The following FOXP1 variants were observed in gnomAD, a reference collection of about 807,000 sequenced individuals.
FOXP1 encodes forkhead box P1, also known as forkhead box protein P1.
Under a neutral mutation model 98.2 loss-of-function variants are expected in FOXP1, and 15 were observed. That is an observed-to-expected ratio of 0.15 (90% CI 0.10 to 0.24). The LOEUF (loss-of-function observed/expected upper bound fraction) is 0.24. Among genes scored for constraint, FOXP1 ranks in the 10% least tolerant of loss-of-function variants. The probability of loss-of-function intolerance (pLI) is 1.00; values close to 1 mark genes in which losing one functional copy is unlikely to be tolerated. For missense variants in FOXP1, 633 were observed against 848.5 expected, an observed-to-expected ratio of 0.75 and a Z score of 3.15; for synonymous variants, 371 against 314.5, an observed-to-expected ratio of 1.18 and a Z score of -1.90.
intron 2 of FOXP1, among the ~76,000 whole-genome samples, chr3:71,565,103 A>G (rs1009137449): frequency 3.9e-5 from 6 of 152,200 alleles, no homozygotes; most frequent in Non-Finnish European, 7.3e-5. Context: ...TGTCTCAAAG[A>G]AAAAAGAAAA....
intron 3 of FOXP1, among the ~76,000 whole-genome samples, chr3:71,436,155 T>C (rs1442010462): frequency 6.6e-6 from 1 of 151,950 alleles, no homozygotes; most frequent in African/African-American, 2.4e-5. Context: ...TTTCCCAAAC[T>C]GTTCCTGGTA....
intron 6 of FOXP1, among the ~76,000 whole-genome samples, chr3:71,180,548 C>G (rs2062229833): frequency 6.6e-6 from 1 of 152,118 alleles, no homozygotes; most frequent in Admixed American, 6.5e-5. Flanking sequence ...TTCCTCTCCC[C>G]AAAGGATACT....
At chr3:71,162,315 T>C (rs997792761) in intron 6 of FOXP1, among the ~76,000 whole-genome samples, 2 of 152,198 alleles carry the variant, frequency 1.3e-5, no homozygotes, top group Non-Finnish European at 2.9e-5. Flanking sequence ...CTGGCCAAAA[T>C]ACTAGGACAA....
chr3:71,569,144 T>A (rs1010813646), intron 2 of FOXP1, among the ~76,000 whole-genome samples: 4 of 152,198 alleles, frequency 2.6e-5, no homozygotes, highest in Non-Finnish European at 5.9e-5. Context: ...CAAAATGTGT[T>A]AAGTATGACT....
chr3:71,554,485 CAACAGAATGAA>C (rs1200562770), intron 2 of FOXP1, among the ~76,000 whole-genome samples: 4 of 152,140 alleles, frequency 2.6e-5, no homozygotes, highest in Non-Finnish European at 5.9e-5. Flanking sequence ...GCTTTACCTT[CAACAGAATGAA>C]ATTCTGTTGA....
intron 14 of FOXP1, among the ~76,000 whole-genome samples, chr3:70,978,340 T>C (rs996504477): frequency 6.7e-6 from 1 of 150,228 alleles, no homozygotes; most frequent in African/African-American, 2.5e-5. Flanking sequence ...TTGTGATGTC[T>C]CACCTATAGG....
intron 4 of FOXP1, among the ~76,000 whole-genome samples, chr3:71,348,117 G>C (rs192073387): frequency 1.3e-5 from 2 of 151,844 alleles, no homozygotes; most frequent in Non-Finnish European, 2.9e-5. Context: ...TGTGAATGTG[G>C]TCTCTCTCTC....
intron 2 of FOXP1, among the ~76,000 whole-genome samples, chr3:71,553,906 A>G (rs546165078): frequency 6.6e-6 from 1 of 152,226 alleles, no homozygotes; most frequent in African/African-American, 2.4e-5. Context: ...AGTTAGCTAC[A>G]GTTTCTATTC....
At chr3:71,270,458 A>T (rs1208557024) in intron 5 of FOXP1, among the ~76,000 whole-genome samples, 1 of 152,238 alleles carries the variant, frequency 6.6e-6, no homozygotes, top group African/African-American at 2.4e-5. Context: ...ATGGAGGAGG[A>T]GAGTAATTAT....
chr3:70,995,116 T>C lies in FOXP1; in HGVS notation c.1062+5856A>G, dbSNP rs536395682. On this transcript the variant is annotated intron_variant, in intron 13 of 20. Coordinates refer to ENST00000649528, the MANE Select transcript of FOXP1 (RefSeq NM_001349338.3). Reference sequence around the variant, plus strand: ...ATCCAACCACCACTGCAACTTTTTGTGACATCTCTTCTTTAGCTTAGAGGC... The same window carrying C: ...ATCCAACCACCACTGCAACTTTTTGCGACATCTCTTCTTTAGCTTAGAGGC... 3.3e-5 allele frequency among the ~76,000 whole-genome samples: 5 copies of C among 152,286 alleles called. No individual in the cohort carries two copies. The South Asian group carries it at 1.0e-3, about 32-fold the overall frequency.
intron 7 of FOXP1, chr3:71,065,851 C>G (rs2052419793): frequency 6.6e-6 from 1 of 151,896 alleles, no homozygotes; most frequent in Non-Finnish European, 1.5e-5. Flanking sequence ...TTTAAAAAGT[C>G]AACAATGTGC....
chr3:71,233,800 G>C (rs2066544270), intron 5 of FOXP1, among the ~76,000 whole-genome samples: 1 of 152,134 alleles, frequency 6.6e-6, no homozygotes, highest in Non-Finnish European at 1.5e-5. Context: ...AAGGAAGGCA[G>C]CTAAGAAAAC....
At chr3:71,293,676 T>A (rs2072996235) in intron 5 of FOXP1, among the ~76,000 whole-genome samples, 1 of 152,176 alleles carries the variant, frequency 6.6e-6, no homozygotes, top group Admixed American at 6.5e-5. Context: ...AAATCAATAT[T>A]TAAGAAATTT....
At chr3:71,582,220 G>A (rs1228621198) in intron 1 of FOXP1, 3 of 985,178 alleles carry the variant, frequency 3.0e-6, no homozygotes, top group African/African-American at 1.7e-5. Flanking sequence ...CAGGTGGGGA[G>A]GGGGGCTCGT....
intron 3 of FOXP1, among the ~76,000 whole-genome samples, chr3:71,426,120 C>T (rs1160169465): frequency 2.0e-5 from 3 of 152,200 alleles, no homozygotes; most frequent in Non-Finnish European, 2.9e-5. Flanking sequence ...GGTGATACCT[C>T]TTGACCTAAG....
intron 12 of FOXP1, among the ~76,000 whole-genome samples, chr3:71,004,930 G>C (rs1344752809): frequency 6.6e-6 from 1 of 151,936 alleles, no homozygotes; most frequent in African/African-American, 2.4e-5. Flanking sequence ...TATTCAAATG[G>C]CCTCTAATGC....
At chr3:71,535,036 T>G (rs556474160) in intron 2 of FOXP1, among the ~76,000 whole-genome samples, 2 of 152,214 alleles carry the variant, frequency 1.3e-5, no homozygotes, top group East Asian at 3.9e-4. Flanking sequence ...CACAAAGACA[T>G]GTACCAATGC....
intron 4 of FOXP1, among the ~76,000 whole-genome samples, chr3:71,352,461 A>G (rs909077587): frequency 7.1e-5 from 7 of 97,920 alleles, no homozygotes; most frequent in Non-Finnish European, 1.3e-4. Flanking sequence ...ACAGAGCGAG[A>G]CTCCATCTCA....
chr3:71,304,334 C>T (rs867647375), intron 4 of FOXP1, among the ~76,000 whole-genome samples: 1 of 152,192 alleles, frequency 6.6e-6, no homozygotes, highest in South Asian at 2.1e-4. Flanking sequence ...TATCCTTTAA[C>T]AGCCTTTAAA....
Sources: gnomAD v4.1 joint callset for allele counts (sites outside exome capture counted in the v4.1 genomes callset) on GRCh38, gnomAD v4.1.1 for gene constraint, MANE v1.5 for transcripts, NCBI Gene and HGNC (gene_info 2026-07-23, HGNC 2026-07-21) for gene names.